ULK4: variants seen among roughly 807,000 people sequenced by gnomAD.
ULK4 encodes the protein inactive serine/threonine-protein kinase ULK4.
ULK4 carries 133 observed loss-of-function variants against 160.6 expected under a neutral mutation model. That is an observed-to-expected ratio of 0.83 (90% confidence interval 0.72 to 0.96). ULK4 has a LOEUF of 0.96. ULK4 is among the 40% of genes least tolerant of loss of function. The probability of loss-of-function intolerance (pLI) is 0.00; values close to 1 mark genes in which losing one functional copy is unlikely to be tolerated. For synonymous variants in ULK4, 534 were observed against 539.8 expected (o/e 0.99, Z 0.15); for missense variants, 1,580 against 1,499.5 (o/e 1.05, Z -0.89).
intron 32 of ULK4, among the ~76,000 whole-genome samples, chr3:41,476,440 G>T (rs936885053): frequency 6.6e-6 from 1 of 152,166 alleles, no homozygotes; most frequent in Non-Finnish European, 1.5e-5. Context: ...ATGCAGGGAA[G>T]TTCAAGGATA....
At chr3:41,643,691 A>G (rs2034344744) in intron 30 of ULK4, among the ~76,000 whole-genome samples, 1 of 152,140 alleles carries the variant, frequency 6.6e-6, no homozygotes, top group Non-Finnish European at 1.5e-5. Flanking sequence ...TTTTGGTTCC[A>G]TATGAACTTG....
At chr3:41,383,244 G>T (rs937232812) in intron 35 of ULK4, among the ~76,000 whole-genome samples, 2 of 151,420 alleles carry the variant, frequency 1.3e-5, no homozygotes, top group Admixed American at 6.6e-5. Context: ...GATTACAGGC[G>T]CCTGCCACTA....
At chr3:41,421,414 T>C (rs2082661279) in intron 34 of ULK4, among the ~76,000 whole-genome samples, 1 of 152,198 alleles carries the variant, frequency 6.6e-6, no homozygotes, top group African/African-American at 2.4e-5. Flanking sequence ...ATTTAAAATG[T>C]TTACTATTGA....
intron 17 of ULK4, among the ~76,000 whole-genome samples, chr3:41,839,198 G>A (rs1304671122): frequency 6.6e-6 from 1 of 151,780 alleles, no homozygotes; most frequent in Admixed American, 6.6e-5. Flanking sequence ...AAATTAGCTG[G>A]GCATGGTGGT....
chr3:41,517,239 G>A (rs2085780712), intron 32 of ULK4, among the ~76,000 whole-genome samples: 1 of 151,940 alleles, frequency 6.6e-6, no homozygotes, highest in Admixed American at 6.6e-5. Context: ...GCAAAAATGT[G>A]CAGCAATGGT....
intron 2 of ULK4, among the ~76,000 whole-genome samples, chr3:41,950,538 T>C (rs1261610391): frequency 6.6e-5 from 10 of 151,812 alleles, no homozygotes; most frequent in Non-Finnish European, 5.9e-5. Flanking sequence ...CCACCGCGCC[T>C]GGCCCACTCC....
chr3:41,310,917 C>T (rs945471123), intron 35 of ULK4, among the ~76,000 whole-genome samples: 7 of 151,790 alleles, frequency 4.6e-5, no homozygotes, highest in East Asian at 1.9e-4. Context: ...CACTTGAACC[C>T]GGGAAGTTGA....
intron 35 of ULK4, among the ~76,000 whole-genome samples, chr3:41,280,004 C>T (rs1559501993): frequency 6.6e-6 from 1 of 152,082 alleles, no homozygotes; most frequent in Admixed American, 6.6e-5. Flanking sequence ...ACAGGGGTTG[C>T]AATCCTAGTC....
chr3:41,681,321 A>G (rs1189582690), intron 29 of ULK4, among the ~76,000 whole-genome samples, 187 bp downstream of exon 29: 2 of 152,170 alleles, frequency 1.3e-5, no homozygotes. Context: ...ATGAACTGAG[A>G]CCTTCTGAGT....
At chr3:41,721,553 A>G (rs898772088) in intron 22 of ULK4, among the ~76,000 whole-genome samples, 1 of 150,610 alleles carries the variant, frequency 6.6e-6, no homozygotes, top group African/African-American at 2.5e-5. Context: ...TTTTTAGTGG[A>G]GACCGGGTTT....
chr3:41,567,791 AATGCTG>A (rs1214500524), intron 31 of ULK4, among the ~76,000 whole-genome samples: 2 of 152,024 alleles, frequency 1.3e-5, no homozygotes, highest in Non-Finnish European at 2.9e-5. Context: ...TTACTTTTTA[AATGCTG>A]AAGCCTCTTG....
chr3:41,936,690 C>T (rs974476271), intron 3 of ULK4, among the ~76,000 whole-genome samples: 1 of 152,090 alleles, frequency 6.6e-6, no homozygotes, highest in Non-Finnish European at 1.5e-5. Context: ...CATGTCCTCA[C>T]TCATTTGTGG....
chr3:41,351,599 C>T (rs538361705), intron 35 of ULK4, among the ~76,000 whole-genome samples: 79 of 152,334 alleles, frequency 5.2e-4, no homozygotes, highest in African/African-American at 1.8e-3. Context: ...TAGCACTCCA[C>T]CCCTGGCCTC....
intron 18 of ULK4, among the ~76,000 whole-genome samples, chr3:41,825,030 C>A (rs575742798): frequency 6.6e-6 from 1 of 152,340 alleles, no homozygotes; most frequent in South Asian, 2.1e-4. Context: ...CTGCAGCCTC[C>A]GCTGCTGATA....
chr3:41,456,111 T>C (rs989119339), intron 33 of ULK4, among the ~76,000 whole-genome samples: 4 of 152,196 alleles, frequency 2.6e-5, no homozygotes, highest in African/African-American at 7.2e-5. Context: ...GGTTTTGCCA[T>C]GTTGGCCAGG....
At chr3:41,259,091 T>C (rs900523932) in intron 35 of ULK4, among the ~76,000 whole-genome samples, 1 of 141,552 alleles carries the variant, frequency 7.1e-6, no homozygotes, top group Non-Finnish European at 1.5e-5. Context: ...ATGATATATA[T>C]ACATATATGT....
At chr3:41,683,818 G>T (rs1414830331) in intron 27 of ULK4, among the ~76,000 whole-genome samples, 1 of 151,978 alleles carries the variant, frequency 6.6e-6, no homozygotes, top group African/African-American at 2.4e-5. Context: ...ACTGGAATCT[G>T]TAATATTCTT....
At chr3:41,309,431 A>AG (rs1277049959) in intron 35 of ULK4, among the ~76,000 whole-genome samples, 3 of 152,154 alleles carry the variant, frequency 2.0e-5, no homozygotes, top group Admixed American at 2.0e-4. Context: ...CCAGATTCCT[A>AG]GGGTCAAGCA....
In ULK4 at chr3:41,717,313, C is replaced by A. The variant is rs116795216; in HGVS notation, c.2455+415G>T. Among the ~76,000 whole-genome samples the A allele has an allele frequency of 6.9e-3, 1,044 of 152,022 alleles. 13 individuals are homozygous for A. Among genetic ancestry groups the A allele is most frequent in the African/African-American group, 0.023 (970 of 41,488 alleles). On this transcript the variant is annotated intron_variant, in intron 23 of 36. Coordinates refer to ENST00000301831, the MANE Select transcript of ULK4 (RefSeq NM_017886.4). ...GCAAGGGAAAAAAAATAAATAAAAT[C>A]TATTCAAAGTTTTTTTAACAATAAA...
Sources: allele counts gnomAD v4.1 joint callset (sites outside exome capture counted in the v4.1 genomes callset), GRCh38; gene constraint gnomAD v4.1.1; transcripts MANE v1.5; gene names NCBI Gene and HGNC (gene_info 2026-07-23, HGNC 2026-07-21).